The following EDEM3 variants were observed in gnomAD, a reference collection of about 807,000 sequenced individuals.
EDEM3 encodes ER degradation-enhancing alpha-mannosidase-like protein 3.
Under a neutral mutation model 110.2 loss-of-function variants are expected in EDEM3, and 60 were observed. That is an observed-to-expected ratio of 0.54 (90% CI 0.44 to 0.67). EDEM3 has a LOEUF of 0.67. Among genes scored for constraint, EDEM3 ranks in the 30% least tolerant of loss-of-function variants. The pLI is 0.00. For synonymous variants in EDEM3, 352 were observed against 382.9 expected, an observed-to-expected ratio of 0.92 and a Z score of 0.94; for missense variants, 996 against 1,121.0, an observed-to-expected ratio of 0.89 and a Z score of 1.59.
At chr1:184,747,101 G>A (rs145030926) in intron 2 of EDEM3, among the ~76,000 whole-genome samples, 1,622 of 150,534 alleles carry the variant, frequency 0.011, 24 homozygotes, top group African/African-American at 0.037. Context: ...AAGCATTTAT[G>A]TACCAGGCAC....
At chr1:184,707,568 A>G (rs972501770) in intron 17 of EDEM3, among the ~76,000 whole-genome samples, 4 of 152,208 alleles carry the variant, frequency 2.6e-5, no homozygotes, top group Admixed American at 6.6e-5. Flanking sequence ...GAGTGAAAAG[A>G]GCATTGGCTT....
At chr1:184,734,405 G>A (rs1228112890) in intron 5 of EDEM3, 126 bp downstream of exon 5, 4 of 279,442 alleles carry the variant, frequency 1.4e-5, no homozygotes, top group African/African-American at 4.6e-5. Context: ...GGAGGCGGAG[G>A]CTGCAGTAAG....
chr1:184,699,839 T>C (rs1649521059), intron 19 of EDEM3, among the ~76,000 whole-genome samples: 1 of 151,956 alleles, frequency 6.6e-6, no homozygotes, highest in Non-Finnish European at 1.5e-5. Context: ...TGACAATGAA[T>C]TGGAACTTAA....
At chr1:184,723,349 CCAA>C (rs1484202837) in intron 8 of EDEM3, among the ~76,000 whole-genome samples, 1 of 151,964 alleles carries the variant, frequency 6.6e-6, no homozygotes, top group East Asian at 1.9e-4. Context: ...TAGCTTGAAT[CCAA>C]CAACATGACC....
intron 16 of EDEM3, among the ~76,000 whole-genome samples, 159 bp downstream of exon 16, chr1:184,710,235 A>G (rs1456720832): frequency 6.6e-6 from 1 of 152,198 alleles, no homozygotes; most frequent in African/African-American, 2.4e-5. Context: ...GAATTAGGTG[A>G]CTTTCCAAGA....
At chr1:184,698,171 T>C (rs1649427446) in intron 19 of EDEM3, among the ~76,000 whole-genome samples, 1 of 151,862 alleles carries the variant, frequency 6.6e-6, no homozygotes, top group Non-Finnish European at 1.5e-5. Flanking sequence ...CATATCTTGC[T>C]GGAAAGGATG....
chr1:184,736,947 T>A, intron 4 of EDEM3, 78 bp downstream of exon 4: 1 of 1,182,476 alleles, frequency 8.5e-7, no homozygotes, highest in Non-Finnish European at 1.3e-6. Context: ...ATTTCATACT[T>A]ACTGTGTTAT....
At chr1:184,700,770 T>C (rs1225164330) in intron 19 of EDEM3, among the ~76,000 whole-genome samples, 2 of 151,956 alleles carry the variant, frequency 1.3e-5, no homozygotes, top group Admixed American at 1.3e-4. Flanking sequence ...TCTTAGGATA[T>C]CCTAAGTGAA....
At chr1:184,696,458 C>A (rs1420764795) in intron 19 of EDEM3, among the ~76,000 whole-genome samples, 1 of 151,562 alleles carries the variant, frequency 6.6e-6, no homozygotes, top group African/African-American at 2.4e-5. Context: ...CCCGGGGTGT[C>A]CGCTGTAACC....
intron 8 of EDEM3, among the ~76,000 whole-genome samples, chr1:184,722,206 T>A (rs1265784074): frequency 1.3e-5 from 2 of 152,004 alleles, no homozygotes; most frequent in South Asian, 4.1e-4. Context: ...CATATTTATA[T>A]ACATTTCATT....
At chr1:184,695,533 T>C (rs1035552293) in intron 19 of EDEM3, among the ~76,000 whole-genome samples, 9 of 151,982 alleles carry the variant, frequency 5.9e-5, no homozygotes, top group African/African-American at 2.2e-4. Context: ...TACTTTATAA[T>C]ACCTAATACA....
intron 19 of EDEM3, among the ~76,000 whole-genome samples, chr1:184,700,315 T>A (rs1184974246): frequency 6.6e-6 from 1 of 152,000 alleles, no homozygotes; most frequent in African/African-American, 2.4e-5. Flanking sequence ...ATCAGCATTG[T>A]GTGACTTCAT....
rs560838909 is a variant in EDEM3 at position 184,729,083 on chromosome 1, G to A, written c.613-2694C>T. On this transcript the variant is annotated intron_variant, in intron 6 of 19. Transcript: ENST00000318130. ...CCTCCTGACTAGGACTCAAATGACTGGGTTTAGAGATGGCACTGGTAGCAG... is the reference window on the plus strand; with the variant it reads ...CCTCCTGACTAGGACTCAAATGACTAGGTTTAGAGATGGCACTGGTAGCAG... Among the ~76,000 whole-genome samples, 74 of 152,190 alleles carry A rather than the reference G, an allele frequency of 4.9e-4. 1 individual carries two copies. Among genetic ancestry groups the A allele is most frequent in the African/African-American group, 1.6e-3 (65 of 41,534 alleles).
intron 8 of EDEM3, among the ~76,000 whole-genome samples, chr1:184,722,701 T>C (rs763903512): frequency 4.0e-5 from 6 of 151,788 alleles, no homozygotes; most frequent in Non-Finnish European, 8.9e-5. Flanking sequence ...TTTTAATATG[T>C]TTGAATTAAT....
At chr1:184,723,454 G>A (rs936550108) in intron 8 of EDEM3, among the ~76,000 whole-genome samples, 2 of 151,906 alleles carry the variant, frequency 1.3e-5, no homozygotes, top group Admixed American at 6.6e-5. Flanking sequence ...ACACCTTGAC[G>A]TGAGATGGCT....
intron 16 of EDEM3, among the ~76,000 whole-genome samples, chr1:184,708,878 G>A (rs1650075843): frequency 6.6e-6 from 1 of 152,196 alleles, no homozygotes; most frequent in South Asian, 2.1e-4. Flanking sequence ...AAGTGGAAAA[G>A]GAGCACAGAT....
intron 18 of EDEM3, among the ~76,000 whole-genome samples, chr1:184,705,923 T>C (rs538521647): frequency 2.4e-4 from 36 of 152,254 alleles, no homozygotes; most frequent in African/African-American, 8.4e-4. Context: ...TTGATACATA[T>C]AGGTAAGATG....
At chr1:184,720,138 G>A (rs184765703) in intron 9 of EDEM3, among the ~76,000 whole-genome samples, 1 of 152,232 alleles carries the variant, frequency 6.6e-6, no homozygotes, top group African/African-American at 2.4e-5. Context: ...AAAAGGTTGA[G>A]TTGTGATAAC....
At chr1:184,751,301 T>C (rs1652752825) in intron 1 of EDEM3, among the ~76,000 whole-genome samples, 1 of 151,852 alleles carries the variant, frequency 6.6e-6, no homozygotes, top group African/African-American at 2.4e-5. Flanking sequence ...GGAAGTCCTC[T>C]TTTTTTTCCT....
Sources: gnomAD v4.1 joint callset for allele counts (sites outside exome capture counted in the v4.1 genomes callset) on GRCh38, gnomAD v4.1.1 for gene constraint, MANE v1.5 for transcripts, NCBI Gene and HGNC (gene_info 2026-07-23, HGNC 2026-07-21) for gene names.